Variants in GRK5 observed in about 807,000 individuals in gnomAD.
GRK5 encodes g protein-coupled receptor kinase GRK5.
Under a neutral mutation model 78.4 loss-of-function variants are expected in GRK5, and 40 were observed. That is an observed-to-expected ratio of 0.51 (90% CI 0.40 to 0.66). GRK5 has a LOEUF of 0.66. GRK5 is among the 30% of genes least tolerant of loss of function. The pLI, the probability that GRK5 is intolerant of heterozygous loss-of-function variation, is 0.00. For missense variants in GRK5, 598 were observed against 759.9 expected (o/e 0.79, Z 2.50); for synonymous variants, 289 against 296.8 (o/e 0.97, Z 0.27).
intron 4 of GRK5, among the ~76,000 whole-genome samples, chr10:119,403,260 G>A (rs545476518): frequency 3.1e-4 from 47 of 151,826 alleles, no homozygotes; most frequent in East Asian, 1.9e-3. Context: ...TCCGCCTCCC[G>A]GGTTCACGCC....
intron 1 of GRK5, among the ~76,000 whole-genome samples, chr10:119,258,617 G>A (rs536607985): frequency 1.9e-4 from 29 of 152,294 alleles, no homozygotes; most frequent in African/African-American, 6.7e-4. Flanking sequence ...TATGGGCTTG[G>A]CGTTTTAATT....
At chr10:119,377,605 C>T (rs1449730484) in intron 2 of GRK5, among the ~76,000 whole-genome samples, 1 of 152,052 alleles carries the variant, frequency 6.6e-6, no homozygotes. Flanking sequence ...GGGAGAGGCT[C>T]GGAACTGAGG....
chr10:119,304,284 CTTTTTTTTTTT>C (rs59740732), intron 1 of GRK5, among the ~76,000 whole-genome samples: 4 of 75,042 alleles, frequency 5.3e-5, no homozygotes, highest in African/African-American at 2.0e-4. Flanking sequence ...GTGTGAGCTG[CTTTTTTTTTTT>C]TTTTTTTTTT....
rs948739955 is a variant in GRK5, at chr10:119,336,675, C to T, written c.148+10064C>T. On this transcript the variant is annotated intron_variant, in intron 2 of 15. Coordinates refer to ENST00000392870, the MANE Select transcript of GRK5 (RefSeq NM_005308.3). This position sits in a 1 kb window ranked among gnomAD's most constrained non-coding sequence, Gnocchi z 4.5. ...CCCCTTCAGGCCTGCCTGGCTGGCA[C>T]GTGAGCTCTTGATTTCATCGTCAGG... 7.2e-5 allele frequency among the ~76,000 whole-genome samples: 11 copies of T among 152,142 alleles called. No homozygotes were observed. Among genetic ancestry groups the T allele is most frequent in the Non-Finnish European group, 1.2e-4 (8 of 68,034 alleles).
intron 2 of GRK5, among the ~76,000 whole-genome samples, chr10:119,352,811 TCCAC>T (rs1254540474): frequency 6.6e-6 from 1 of 152,176 alleles, no homozygotes; most frequent in Non-Finnish European, 1.5e-5. Context: ...GAGCCCACTT[TCCAC>T]CCGAATCCTG....
chr10:119,441,979 G>A lies in GRK5; in HGVS notation c.968-20G>A. 1.2e-6 allele frequency: 2 copies of A among 1,609,128 alleles called. No homozygotes were observed. Among genetic ancestry groups the A allele is most frequent in the Non-Finnish European group, 1.7e-6 (2 of 1,175,668 alleles). On this transcript the variant is annotated intron_variant, in intron 10 of 15. Transcript: ENST00000392870. ...CATGCGGCTGTCCCAGGGACCCACTGACCCTGCTGTCCCCCTCAGGCCACA... is the reference window on the plus strand; with the variant it reads ...CATGCGGCTGTCCCAGGGACCCACTAACCCTGCTGTCCCCCTCAGGCCACA...
chr10:119,211,980 C>T (rs1331252254), intron 1 of GRK5, among the ~76,000 whole-genome samples: 1 of 152,202 alleles, frequency 6.6e-6, no homozygotes, highest in African/African-American at 2.4e-5. Context: ...GCTCAAAGCC[C>T]TCTTATGGCT....
chr10:119,416,358 G>GC (rs1184951426), intron 4 of GRK5, among the ~76,000 whole-genome samples: 3 of 152,242 alleles, frequency 2.0e-5, no homozygotes, highest in East Asian at 3.9e-4. Context: ...ACTGATAGCT[G>GC]CCCCAGGAGG....
In GRK5 at chr10:119,226,519, C is replaced by T. The variant is rs1216252448; in HGVS notation, c.52+18550C>T. On this transcript the variant is annotated intron_variant, in intron 1 of 15. Coordinates refer to ENST00000392870, the MANE Select transcript of GRK5 (RefSeq NM_005308.3). ...GCTTTGTTGCTAACCTGCCAGAGAC[C>T]AAGGCTGGTAACTTTGTGTCTCTGT... Among the ~76,000 whole-genome samples the T allele has an allele frequency of 1.4e-4, 21 of 149,898 alleles. No homozygotes were observed. In the East Asian group the frequency reaches 4.1e-3, roughly 29 times the overall value.
chr10:119,327,708 C>T (rs1036683214), intron 2 of GRK5, among the ~76,000 whole-genome samples: 7 of 152,332 alleles, frequency 4.6e-5, no homozygotes, highest in East Asian at 1.9e-4. Context: ...AGGCTTGCTC[C>T]GTCCTGGCCC....
chr10:119,276,834 C>G (rs1157493796), intron 1 of GRK5, among the ~76,000 whole-genome samples: 1 of 152,172 alleles, frequency 6.6e-6, no homozygotes, highest in Non-Finnish European at 1.5e-5. Context: ...GGAGTCCTGC[C>G]ACAGCGGGAC....
Position 119,456,983 on chromosome 10 carries a change from A to G in GRK5, c.*1916A>G, listed in dbSNP as rs1853409841. 6.6e-6 allele frequency: 1 copy of G among 152,176 alleles called. No individual in the cohort carries two copies. Among genetic ancestry groups the G allele is most frequent in the African/African-American group, 2.4e-5 (1 of 41,436 alleles). The allele number at this position is 152,176 out of a possible 1,614,324, so 9.4% of individuals were successfully genotyped here. A position where few individuals can be genotyped will look rare whatever the true frequency, so the allele number is the denominator to read the frequency against. ...AGCTGGGCTTCCCTCAAATCTTTTT[A>G]ATGTGCAGTATTTTTTTGTTCAAGA... On this transcript the variant is annotated 3_prime_UTR_variant, in exon 16 of 16. Transcript: ENST00000392870. The surrounding 1 kb of genome is among the most constrained non-coding windows in gnomAD (Gnocchi z 5.5).
chr10:119,408,765 A>T (rs896641569), intron 4 of GRK5, among the ~76,000 whole-genome samples: 2 of 152,160 alleles, frequency 1.3e-5, no homozygotes, highest in African/African-American at 4.8e-5. Context: ...TATTTTTGGA[A>T]CAAGATAGAG....
chr10:119,397,560 T>TC (rs1852076423), intron 4 of GRK5, among the ~76,000 whole-genome samples: 3 of 152,082 alleles, frequency 2.0e-5, no homozygotes, highest in African/African-American at 7.2e-5. Context: ...GTGTGTCCCA[T>TC]CCCCCGGGGC....
chr10:119,313,182 G>C (rs111758749), intron 1 of GRK5, among the ~76,000 whole-genome samples: 2,305 of 149,036 alleles, frequency 0.015, 64 homozygotes, highest in African/African-American at 0.055. Flanking sequence ...GGTGGTGATG[G>C]TGATGATGAT....
At position 119,326,501 on chromosome 10, in the gene GRK5, TC is replaced by T. The variant is rs750666305; in HGVS notation, c.53-11del. On this transcript the variant is annotated splice_polypyrimidine_tract_variant and intron_variant, in intron 1 of 15. Transcript: ENST00000392870. The stretch of plus-strand genomic sequence containing the variant: ...CTGGAGCCTCAGCCAGGCATCTTTT[TC>T]CCCATCTCTGCAGGGGGCGGAGGAA... 1.2e-6 allele frequency: 2 copies of T among 1,606,560 alleles called. No individual in the cohort carries two copies. The highest frequency in any genetic ancestry group is 4.5e-5 in the East Asian group (2 of 44,830).
intron 12 of GRK5, among the ~76,000 whole-genome samples, chr10:119,446,183 G>A (rs1165685689): frequency 6.6e-6 from 1 of 152,080 alleles, no homozygotes; most frequent in Non-Finnish European, 1.5e-5. Context: ...CACTTCTCCT[G>A]GTGTCCACCT....
At chr10:119,308,448 G>A (rs1030758294) in intron 1 of GRK5, among the ~76,000 whole-genome samples, 1 of 152,190 alleles carries the variant, frequency 6.6e-6, no homozygotes, top group Non-Finnish European at 1.5e-5. Context: ...TGACGTATGG[G>A]CCAGGCGTGT....
intron 1 of GRK5, among the ~76,000 whole-genome samples, chr10:119,222,592 T>C (rs575105075): frequency 1.2e-4 from 18 of 152,238 alleles, no homozygotes; most frequent in African/African-American, 4.3e-4. Flanking sequence ...AACAAATCAG[T>C]GGCCCCTCCT....
Sources: allele counts gnomAD v4.1 joint callset (sites outside exome capture counted in the v4.1 genomes callset), GRCh38; gene constraint gnomAD v4.1.1; non-coding constraint Gnocchi (gnomAD v3.1); transcripts MANE v1.5; gene names NCBI Gene and HGNC (gene_info 2026-07-23, HGNC 2026-07-21).